The following ANO2 variants were observed in gnomAD, a reference collection of about 807,000 sequenced individuals.
ANO2 encodes the protein anoctamin-2.
Under a neutral mutation model 124.2 loss-of-function variants are expected in ANO2, and 101 were observed. The observed-to-expected ratio is 0.81, with a 90% confidence interval of 0.69 to 0.96. The LOEUF (loss-of-function observed/expected upper bound fraction) is 0.96, where lower values mean the gene tolerates loss of function less well. ANO2 is among the 40% of genes least tolerant of loss of function. The pLI is 0.00. For missense variants in ANO2, 1,293 were observed against 1,274.5 expected (o/e 1.01, Z -0.22); for synonymous variants, 486 against 482.5 (o/e 1.01, Z -0.09).
chr12:5,835,469 G>A (rs994096261), intron 4 of ANO2, among the ~76,000 whole-genome samples: 25 of 152,178 alleles, frequency 1.6e-4, no homozygotes, highest in South Asian at 2.1e-4. Context: ...CCTGCCTTCC[G>A]AAACAAGGAG....
chr12:5,789,117 CA>C (rs1057136333), intron 10 of ANO2, among the ~76,000 whole-genome samples: 2 of 152,284 alleles, frequency 1.3e-5, no homozygotes, highest in Middle Eastern at 6.8e-3. Context: ...GCAGGATGAA[CA>C]AAAGGAGAGG....
At chr12:5,607,732 G>A (rs1445369384) in intron 19 of ANO2, among the ~76,000 whole-genome samples, 5 of 152,158 alleles carry the variant, frequency 3.3e-5, no homozygotes, top group East Asian at 3.9e-4. Context: ...TGAACCCTAC[G>A]TGAACTGTGC....
At position 5,681,228 on chromosome 12, in the gene ANO2, C is replaced by T. The variant is rs560514497; in HGVS notation, c.1546-33427G>A. ...AAGTCTGGGCCGAAAACAGCTTGCC[C>T]GCCATCTGATTTCAAGGAAGTCACT... On this transcript the variant is annotated intron_variant, in intron 14 of 24. Transcript: ENST00000682330. 1.1e-4 allele frequency among the ~76,000 whole-genome samples: 16 copies of T among 152,290 alleles called. No homozygotes were observed. In the South Asian group the frequency reaches 3.1e-3, roughly 30 times the overall value.
At chr12:5,850,071 G>A (rs1954827161) in intron 4 of ANO2, among the ~76,000 whole-genome samples, 1 of 152,040 alleles carries the variant, frequency 6.6e-6, no homozygotes, top group African/African-American at 2.4e-5. Context: ...CCTCATCTGT[G>A]TATAACACCC....
chr12:5,682,360 T>C (rs577438845), intron 14 of ANO2, among the ~76,000 whole-genome samples: 1 of 151,476 alleles, frequency 6.6e-6, no homozygotes, highest in Admixed American at 6.6e-5. Context: ...TCTCTCTCTC[T>C]GTCTGTCTCT....
At chr12:5,668,758 G>A (rs1326210891) in intron 14 of ANO2, among the ~76,000 whole-genome samples, 2 of 152,094 alleles carry the variant, frequency 1.3e-5, no homozygotes, top group Non-Finnish European at 2.9e-5. Flanking sequence ...TCAATTTTCT[G>A]CATACGGCTA....
At chr12:5,819,548 G>A (rs12228464) in intron 7 of ANO2, among the ~76,000 whole-genome samples, 46,748 of 152,024 alleles carry the variant, frequency 0.31, 7,524 homozygotes, top group Middle Eastern at 0.38. Flanking sequence ...CCACTGTGGT[G>A]AGCTGAAAAT....
intron 3 of ANO2, among the ~76,000 whole-genome samples, chr12:5,890,723 T>C (rs1435759344): frequency 6.6e-6 from 1 of 152,186 alleles, no homozygotes; most frequent in African/African-American, 2.4e-5. Flanking sequence ...TCTGAGTTGG[T>C]ACACAATCAG....
rs1949925538 is a variant in ANO2, at chr12:5,714,094, T to C, written c.1545+18426A>G. Among the ~76,000 whole-genome samples, 4 of 152,244 alleles carry C rather than the reference T, an allele frequency of 2.6e-5. No homozygotes were observed. The South Asian group carries it at 8.3e-4, about 32-fold the overall frequency. ...CTATATTCTCTTACACTGCCAATTG[T>C]CTAAAGTTCTGGCCCATTCTTTTCA... On this transcript the variant is annotated intron_variant, in intron 14 of 24. Coordinates refer to ENST00000682330, the MANE Select transcript of ANO2 (RefSeq NM_001364791.2).
In ANO2 at chr12:5,925,497, T is replaced by C. The variant is rs764769929; in HGVS notation, c.23-2693A>G. ...AGCTCTGGAGAGGCACTCCAGGCAA[T>C]AAAGACACAAGGGAGCCACCTTCAG... On this transcript the variant is annotated intron_variant, in intron 1 of 24. Coordinates refer to ENST00000682330, the MANE Select transcript of ANO2 (RefSeq NM_001364791.2). The surrounding 1 kb of genome is among the most constrained non-coding windows in gnomAD (Gnocchi z 4.6). 8.5e-5 allele frequency among the ~76,000 whole-genome samples: 13 copies of C among 152,050 alleles called. No homozygotes were observed. The South Asian group carries it at 1.7e-3, about 19-fold the overall frequency.
At chr12:5,674,614 A>G (rs1256089487) in intron 14 of ANO2, among the ~76,000 whole-genome samples, 1 of 152,214 alleles carries the variant, frequency 6.6e-6, no homozygotes, top group African/African-American at 2.4e-5. Flanking sequence ...GGAAAAGCAC[A>G]GAATTCTGCT....
At chr12:5,861,789 C>A (rs1955278965) in intron 3 of ANO2, among the ~76,000 whole-genome samples, 1 of 152,204 alleles carries the variant, frequency 6.6e-6, no homozygotes, top group Non-Finnish European at 1.5e-5. Context: ...CCCCACCACA[C>A]CTGCTGGGAG....
At chr12:5,572,719 T>C (rs898605092) in intron 23 of ANO2, among the ~76,000 whole-genome samples, 10 of 152,204 alleles carry the variant, frequency 6.6e-5, no homozygotes, top group African/African-American at 2.4e-4. Context: ...GGAAAAATGA[T>C]GGATGCTTCA....
At chr12:5,620,125 A>G (rs1323938466) in intron 16 of ANO2, among the ~76,000 whole-genome samples, 1 of 152,276 alleles carries the variant, frequency 6.6e-6, no homozygotes, top group Non-Finnish European at 1.5e-5. Flanking sequence ...ATTGATGCCA[A>G]CATTATCCAA....
At chr12:5,637,313 A>C (rs1044062580) in intron 15 of ANO2, among the ~76,000 whole-genome samples, 1 of 147,306 alleles carries the variant, frequency 6.8e-6, no homozygotes, top group Admixed American at 6.8e-5. Context: ...GAGGCTGGGG[A>C]GGTGAGGGTA....
In ANO2 at chr12:5,904,533, C is replaced by T. The variant is rs988711605; in HGVS notation, c.534+16507G>A. Among the ~76,000 whole-genome samples, 1 of 152,192 alleles carries T rather than the reference C, an allele frequency of 6.6e-6. No homozygotes were observed. Among genetic ancestry groups the T allele is most frequent in the Non-Finnish European group, 1.5e-5 (1 of 68,038 alleles). On this transcript the variant is annotated intron_variant, in intron 3 of 24. Coordinates refer to ENST00000682330, the MANE Select transcript of ANO2 (RefSeq NM_001364791.2). The surrounding 1 kb of genome is among the most constrained non-coding windows in gnomAD (Gnocchi z 4.1). ...GTAGCACGAATGAGCGGCGCACACA[C>T]CTGTGGGTTTATCCCAGTACTGCTT... is the stretch of plus-strand genomic sequence containing the variant.
At chr12:5,760,395 T>A (rs1177680440) in intron 10 of ANO2, among the ~76,000 whole-genome samples, 2 of 152,164 alleles carry the variant, frequency 1.3e-5, no homozygotes, top group East Asian at 3.8e-4. Context: ...TCTGTCCACC[T>A]TAATGGAAGG....
intron 14 of ANO2, among the ~76,000 whole-genome samples, chr12:5,689,469 A>C (rs1948842675): frequency 6.6e-6 from 1 of 152,072 alleles, no homozygotes; most frequent in Non-Finnish European, 1.5e-5. Context: ...TGCTATTCTA[A>C]ATGTGGGCCT....
chr12:5,919,175 G>T (rs572825883), intron 3 of ANO2, among the ~76,000 whole-genome samples: 35 of 152,334 alleles, frequency 2.3e-4, no homozygotes, highest in African/African-American at 8.2e-4. Context: ...GACAGAGAGG[G>T]ACGGGGTGGG....
Sources: allele counts gnomAD v4.1 joint callset (sites outside exome capture counted in the v4.1 genomes callset), GRCh38; gene constraint gnomAD v4.1.1; non-coding constraint Gnocchi (gnomAD v3.1); transcripts MANE v1.5; gene names NCBI Gene and HGNC (gene_info 2026-07-23, HGNC 2026-07-21).